Variants in COL22A1 observed in about 807,000 individuals in gnomAD.
The protein encoded by COL22A1 is collagen alpha-1(XXII) chain.
In COL22A1, 221 loss-of-function variants were observed where a neutral mutation model predicts 248.9. The observed-to-expected ratio is 0.89, with a 90% confidence interval of 0.80 to 0.99. COL22A1 has a LOEUF of 0.99. Among genes scored for constraint, COL22A1 ranks in the 50% least tolerant of loss-of-function variants. The probability of loss-of-function intolerance (pLI) is 0.00; values close to 1 mark genes in which losing one functional copy is unlikely to be tolerated. For missense variants in COL22A1, 2,240 were observed against 2,179.0 expected (o/e 1.03, Z -0.56); for synonymous variants, 891 against 793.4 (o/e 1.12, Z -2.07).
chr8:138,636,139 G>A (rs1021443055), intron 48 of COL22A1, among the ~76,000 whole-genome samples: 5 of 152,238 alleles, frequency 3.3e-5, no homozygotes, highest in African/African-American at 7.2e-5. Context: ...AGTCATTTCC[G>A]TTGGCAGGAA....
At chr8:138,591,399 C>G (rs775138171) in intron 64 of COL22A1, 25 bp downstream of exon 64, 3 of 1,553,950 alleles carry the variant, frequency 1.9e-6, no homozygotes, top group Non-Finnish European at 8.7e-7. Flanking sequence ...ACACCCTACC[C>G]CTGAGACTGC....
At chr8:138,699,965 G>A (rs1827816317) in intron 32 of COL22A1, 147 bp downstream of exon 32, 1 of 764,928 alleles carries the variant, frequency 1.3e-6, no homozygotes, top group African/African-American at 1.7e-5. Flanking sequence ...CTGTTTTCAG[G>A]ACAAGCCCAG....
At chr8:138,900,271 A>C (rs1814445165) in intron 1 of COL22A1, among the ~76,000 whole-genome samples, 1 of 152,170 alleles carries the variant, frequency 6.6e-6, no homozygotes, top group Non-Finnish European at 1.5e-5. Flanking sequence ...TGGGGAGATA[A>C]AAAAGAGCTC....
intron 62 of COL22A1, among the ~76,000 whole-genome samples, chr8:138,595,149 G>A (rs1817418824): frequency 6.6e-6 from 1 of 152,140 alleles, no homozygotes; most frequent in African/African-American, 2.4e-5. Flanking sequence ...GGAAACCAGG[G>A]TAGAGTCAGG....
At chr8:138,813,055 G>A in intron 7 of COL22A1, 36 bp from the exon 8 acceptor site, 3 of 1,565,340 alleles carry the variant, frequency 1.9e-6, no homozygotes, top group Middle Eastern at 1.7e-4. Flanking sequence ...ATAAGTTTTA[G>A]GGACTTTGGA....
At chr8:138,641,205 A>G (rs191903269) in intron 47 of COL22A1, among the ~76,000 whole-genome samples, 471 of 152,312 alleles carry the variant, frequency 3.1e-3, no homozygotes, top group African/African-American at 0.01. Context: ...GTTATTTTCT[A>G]GGCAGGATGG....
chr8:138,738,407 C>CA (rs1176366304), intron 22 of COL22A1, among the ~76,000 whole-genome samples: 2 of 152,198 alleles, frequency 1.3e-5, no homozygotes, highest in African/African-American at 4.8e-5. Flanking sequence ...GAATACAGCC[C>CA]TTTTTGGCAT....
chr8:138,849,840 A>G (rs1271426672), intron 3 of COL22A1, among the ~76,000 whole-genome samples: 1 of 151,956 alleles, frequency 6.6e-6, no homozygotes, highest in Non-Finnish European at 1.5e-5. Flanking sequence ...AGATGTAGGC[A>G]TCTGAGCTCT....
intron 48 of COL22A1, among the ~76,000 whole-genome samples, chr8:138,636,311 T>C (rs796735854): frequency 6.6e-5 from 10 of 151,558 alleles, no homozygotes; most frequent in African/African-American, 2.4e-4. Flanking sequence ...GGCACTGATC[T>C]GATCAGAGCA....
intron 5 of COL22A1, among the ~76,000 whole-genome samples, chr8:138,829,065 T>C (rs956002547): frequency 6.6e-6 from 1 of 152,228 alleles, no homozygotes; most frequent in African/African-American, 2.4e-5. Context: ...TTCTCAGACT[T>C]GCAGATCCGC....
At chr8:138,785,508 G>A (rs545754881) in intron 12 of COL22A1, among the ~76,000 whole-genome samples, 9 of 152,328 alleles carry the variant, frequency 5.9e-5, no homozygotes, top group East Asian at 5.8e-4. Context: ...GAATCAGGCC[G>A]CTGGGGGTGA....
At chr8:138,837,654 TGGA>T in intron 4 of COL22A1, among the ~76,000 whole-genome samples, 1 of 152,246 alleles carries the variant, frequency 6.6e-6, no homozygotes, top group South Asian at 2.1e-4. Flanking sequence ...CCTCTGTGTC[TGGA>T]AGTGTCCTGG....
At position 138,755,161 on chromosome 8, in the gene COL22A1, G is replaced by A; in HGVS notation, c.2027C>T (p.Ala676Val). 6.2e-7 allele frequency: 1 copy of A among 1,614,104 alleles called. No individual in the cohort carries two copies. The highest frequency in any genetic ancestry group is 8.5e-7 in the Non-Finnish European group (1 of 1,179,972). Residue 676 changes from alanine to valine, a missense_variant, in exon 21 of 65, where the codon GCT (alanine) becomes GTT (valine). Physicochemically the swap from Ala to Val is moderately conservative, Grantham distance 64. Coordinates refer to ENST00000303045, the MANE Select transcript of COL22A1 (RefSeq NM_152888.3). ...GHQGAPGPPG[A>V]RGPIGPEGRD... ...CGCAGGAGAGGGACAACTTACCCGA[G>A]CTCCTGGAGGACCGGGGGCGCCTTG...
rs1184935050 is a variant in COL22A1, at chr8:138,660,479, C to T, written c.3242G>A (p.Gly1081Asp). The T allele has an allele frequency of 6.2e-7, 1 of 1,613,530 alleles. No individual in the cohort carries two copies. Among genetic ancestry groups the T allele is most frequent in the Non-Finnish European group, 8.5e-7 (1 of 1,179,476 alleles). The change falls in exon 44 of 65, where the codon GGT becomes GAT. Residue 1081 changes from glycine (G) to aspartate (D), a missense_variant and splice_region_variant. Coordinates refer to ENST00000303045, the MANE Select transcript of COL22A1 (RefSeq NM_152888.3). ...PGPQGPAGRD[G>D]APGNPGERGP... ...TCTTTCTCCTGGATTTCCTGGTGCACCCTAAGAGAAGAAGGAAATAAAACA... is the reference window on the plus strand; with the variant it reads ...TCTTTCTCCTGGATTTCCTGGTGCATCCTAAGAGAAGAAGGAAATAAAACA...
At chr8:138,829,002 C>T (rs1447377971) in intron 5 of COL22A1, among the ~76,000 whole-genome samples, 1 of 152,174 alleles carries the variant, frequency 6.6e-6, no homozygotes, top group Admixed American at 6.5e-5. Context: ...GGAGGTGGAC[C>T]CTGCCTGGCC....
intron 10 of COL22A1, among the ~76,000 whole-genome samples, chr8:138,806,087 A>T (rs1563788384): frequency 3.9e-3 from 9 of 2,310 alleles, no homozygotes; most frequent in African/African-American, 0.011. Flanking sequence ...GGTGTGTGTA[A>T]TGGTGTGTGA....
At chr8:138,696,461 T>C (rs1389323796) in intron 32 of COL22A1, among the ~76,000 whole-genome samples, 1 of 152,246 alleles carries the variant, frequency 6.6e-6, no homozygotes, top group East Asian at 1.9e-4. Flanking sequence ...TGAGTAGTTC[T>C]AACCTTTACT....
Position 138,826,762 on chromosome 8 carries a change from A to C in COL22A1, c.865T>G (p.Leu289Val). ...GTGACAAAGGCGTACTCATCAGGTA[A>C]ACCTTGGGGGAACACATCCCTGGAG... Reference protein sequence around the residue: ...QSTEDVFPQGLPDEYAFVTTF... With the variant: ...QSTEDVFPQGVPDEYAFVTTF... Residue 289 changes from leucine (L) to valine (V), a missense_variant, in exon 6 of 65, where the codon TTA becomes GTA. Transcript: ENST00000303045. The C allele has an allele frequency of 6.2e-7, 1 of 1,614,086 alleles. No homozygotes were observed. The highest frequency in any genetic ancestry group is 8.5e-7 in the Non-Finnish European group (1 of 1,179,994).
intron 3 of COL22A1, among the ~76,000 whole-genome samples, chr8:138,856,147 A>G (rs1289754100): frequency 1.3e-5 from 2 of 152,212 alleles, no homozygotes; most frequent in South Asian, 4.1e-4. Flanking sequence ...TGAGGAGGGC[A>G]TGGCAATTCT....
Sources: allele counts gnomAD v4.1 joint callset (sites outside exome capture counted in the v4.1 genomes callset), GRCh38; gene constraint gnomAD v4.1.1; transcripts MANE v1.5; gene names NCBI Gene and HGNC (gene_info 2026-07-23, HGNC 2026-07-21).